DPP10: variants seen among roughly 807,000 people sequenced by gnomAD.
DPP10 encodes the protein dipeptidyl peptidase like 10.
A neutral mutation model predicts 120.9 loss-of-function variants in DPP10; 33 were observed. The ratio of observed to expected loss-of-function variants is 0.27; its 90% CI spans 0.21 to 0.37. DPP10 has a LOEUF of 0.37. Among genes scored for constraint, DPP10 ranks in the 10% least tolerant of loss-of-function variants. The pLI is 1.00. For synonymous variants in DPP10, 337 were observed against 326.1 expected, an observed-to-expected ratio of 1.03 and a Z score of -0.36; for missense variants, 816 against 942.8, an observed-to-expected ratio of 0.87 and a Z score of 1.76.
chr2:115,245,839 T>TTA (rs2058509049), intron 1 of DPP10, among the ~76,000 whole-genome samples: 1 of 152,160 alleles, frequency 6.6e-6, no homozygotes, highest in South Asian at 2.1e-4. Context: ...TATGACCTCC[T>TTA]TATATATATC....
chr2:114,964,488 T>G (rs188418806), intron 1 of DPP10, among the ~76,000 whole-genome samples: 42 of 152,098 alleles, frequency 2.8e-4, no homozygotes, highest in African/African-American at 9.6e-4. Context: ...TGACAGAGTA[T>G]CCATGGAAGT....
At chr2:115,403,531 C>G (rs949187683) in intron 3 of DPP10, among the ~76,000 whole-genome samples, 2 of 151,862 alleles carry the variant, frequency 1.3e-5, no homozygotes, top group Non-Finnish European at 1.5e-5. Context: ...TCCAGAGTAG[C>G]TGGGACTACA....
At chr2:115,295,138 C>A (rs1288086828) in intron 1 of DPP10, among the ~76,000 whole-genome samples, 2 of 152,014 alleles carry the variant, frequency 1.3e-5, no homozygotes, top group Non-Finnish European at 2.9e-5. Context: ...GGGACTGCTG[C>A]AGATACTGGC....
intron 1 of DPP10, among the ~76,000 whole-genome samples, chr2:114,652,763 G>A (rs1224099585): frequency 6.6e-6 from 1 of 152,092 alleles, no homozygotes; most frequent in Non-Finnish European, 1.5e-5. Context: ...TTTAACTCTT[G>A]AGGGATTCTG....
chr2:115,132,560 A>G (rs1401512654), intron 1 of DPP10, among the ~76,000 whole-genome samples: 1 of 152,138 alleles, frequency 6.6e-6, no homozygotes, highest in Non-Finnish European at 1.5e-5. Flanking sequence ...TTAGCATTTT[A>G]TTGCCACAAG....
intron 19 of DPP10, among the ~76,000 whole-genome samples, chr2:115,803,302 C>T (rs1001789902): frequency 3.9e-5 from 6 of 152,082 alleles, no homozygotes; most frequent in Admixed American, 3.3e-4. Context: ...TCCTCCATCC[C>T]TTTATTTTGA....
intron 2 of DPP10, among the ~76,000 whole-genome samples, chr2:115,321,529 T>G: frequency 6.6e-6 from 1 of 150,844 alleles, no homozygotes; most frequent in Non-Finnish European, 1.5e-5. Context: ...TTTTTTTTTT[T>G]TTGAGTTTGT....
chr2:115,197,202 GCCAATATGGTGAAAC>G (rs1250458783), intron 1 of DPP10, among the ~76,000 whole-genome samples: 2 of 152,112 alleles, frequency 1.3e-5, no homozygotes, highest in Non-Finnish European at 2.9e-5. Context: ...GACCAGCCTG[GCCAATATGGTGAAAC>G]CCCATCTCTA....
chr2:115,634,503 A>ACTCTATT (rs2086159238), intron 5 of DPP10, among the ~76,000 whole-genome samples: 1 of 152,136 alleles, frequency 6.6e-6, no homozygotes, highest in Non-Finnish European at 1.5e-5. Context: ...GGTCCACTCC[A>ACTCTATT]GACTCTATTT....
At chr2:115,469,246 T>C in intron 3 of DPP10, among the ~76,000 whole-genome samples, 1 of 152,230 alleles carries the variant, frequency 6.6e-6, no homozygotes, top group African/African-American at 2.4e-5. Context: ...TTTAAAGCTA[T>C]TTAGAAGGGC....
intron 1 of DPP10, among the ~76,000 whole-genome samples, chr2:114,986,626 A>C (rs552781574): frequency 9.8e-5 from 15 of 152,350 alleles, no homozygotes; most frequent in South Asian, 6.2e-4. Context: ...GAAATTACCA[A>C]ACTCATCATT....
chr2:115,563,879 A>G (rs1007212394), intron 5 of DPP10, among the ~76,000 whole-genome samples: 4 of 152,236 alleles, frequency 2.6e-5, no homozygotes, highest in African/African-American at 7.2e-5. Context: ...CTAAGAAATT[A>G]TAGAATGATA....
At position 114,998,226 on chromosome 2, in the gene DPP10, C is replaced by CA. The variant is rs543342893; in HGVS notation, c.61-311006dup. Among the ~76,000 whole-genome samples, 67 of 152,016 alleles carry CA rather than the reference C, an allele frequency of 4.4e-4. No homozygotes were observed. In the East Asian group the frequency reaches 0.011, roughly 25 times the overall value. Reference sequence around the variant, plus strand: ...TATCCTAATGTTTATGTTGTTAGATCAAAAAAATGAATAAGTATGTTAAAG... The same window carrying CA: ...TATCCTAATGTTTATGTTGTTAGATCAAAAAAAATGAATAAGTATGTTAAAG... On this transcript the variant is annotated intron_variant, in intron 1 of 25. Coordinates refer to ENST00000410059, the MANE Select transcript of DPP10 (RefSeq NM_020868.6).
intron 11 of DPP10, among the ~76,000 whole-genome samples, chr2:115,761,365 T>G (rs1680094302): frequency 6.6e-6 from 1 of 152,174 alleles, no homozygotes; most frequent in South Asian, 2.1e-4. Context: ...AAAGATAAAT[T>G]AAAATGCTTT....
chr2:114,964,598 A>G (rs549967011), intron 1 of DPP10, among the ~76,000 whole-genome samples: 1 of 152,202 alleles, frequency 6.6e-6, no homozygotes, highest in South Asian at 2.1e-4. Flanking sequence ...GGGAAGAGCA[A>G]TCGCAAAGGC....
chr2:115,241,058 C>T (rs997097509), intron 1 of DPP10, among the ~76,000 whole-genome samples: 1 of 152,204 alleles, frequency 6.6e-6, no homozygotes, highest in African/African-American at 2.4e-5. Context: ...ATCACGAGGT[C>T]AGGAGTTCGA....
intron 1 of DPP10, among the ~76,000 whole-genome samples, chr2:115,158,096 C>T (rs2052043422): frequency 6.6e-6 from 1 of 152,158 alleles, no homozygotes; most frequent in Non-Finnish European, 1.5e-5. Flanking sequence ...TTAGCTAGAC[C>T]TTATTTCTTA....
At chr2:115,341,236 A>G (rs181396191) in intron 2 of DPP10, among the ~76,000 whole-genome samples, 12 of 152,156 alleles carry the variant, frequency 7.9e-5, no homozygotes, top group Middle Eastern at 3.4e-3. Context: ...CTTTTGAAAC[A>G]TGTAATACCC....
At position 115,310,144 on chromosome 2, in the gene DPP10, A is replaced by G. The variant is rs893750809; in HGVS notation, c.175+791A>G. Reference sequence around the variant, plus strand: ...TTTTTCTCAAAGACCAAACACCCACATATGACACAGTGTTATGAAAAATAG... The same window carrying G: ...TTTTTCTCAAAGACCAAACACCCACGTATGACACAGTGTTATGAAAAATAG... On this transcript the variant is annotated intron_variant, in intron 2 of 25. Coordinates refer to ENST00000410059, the MANE Select transcript of DPP10 (RefSeq NM_020868.6). Among the ~76,000 whole-genome samples, 4 of 152,144 alleles carry G rather than the reference A, an allele frequency of 2.6e-5. No individual in the cohort carries two copies. In the East Asian group the frequency reaches 7.7e-4, roughly 29 times the overall value.
Sources: gnomAD v4.1 joint callset for allele counts (sites outside exome capture counted in the v4.1 genomes callset) on GRCh38, gnomAD v4.1.1 for gene constraint, MANE v1.5 for transcripts, NCBI Gene and HGNC (gene_info 2026-07-23, HGNC 2026-07-21) for gene names.